ANO1: variants seen among roughly 807,000 people sequenced by gnomAD.
ANO1 encodes anoctamin-1.
In ANO1, 59 loss-of-function variants were observed where a neutral mutation model predicts 124.0. That is an observed-to-expected ratio of 0.48 (90% CI 0.39 to 0.59). The LOEUF is 0.59. Among genes scored for constraint, ANO1 ranks in the 20% least tolerant of loss-of-function variants. ANO1 has a pLI of 0.00. For missense variants in ANO1, 1,059 were observed against 1,328.0 expected (o/e 0.80, Z 3.15); for synonymous variants, 529 against 532.0 (o/e 0.99, Z 0.08).
chr11:70,162,592 C>T (rs1174381948), intron 18 of ANO1, among the ~76,000 whole-genome samples: 8 of 151,904 alleles, frequency 5.3e-5, no homozygotes, highest in African/African-American at 1.9e-4. Flanking sequence ...GGCCCACCCA[C>T]AATGATGCCC....
chr11:70,009,559 G>A (rs1281614236), intron 1 of ANO1, among the ~76,000 whole-genome samples: 2 of 152,160 alleles, frequency 1.3e-5, no homozygotes, highest in Non-Finnish European at 2.9e-5. Context: ...GGCCTGTCTT[G>A]GTGCATTTTG....
chr11:70,111,360 G>A (rs1367678723), intron 6 of ANO1, among the ~76,000 whole-genome samples: 2 of 152,182 alleles, frequency 1.3e-5, no homozygotes, highest in African/African-American at 4.8e-5. Flanking sequence ...CCTCGGACAG[G>A]TGGGGGGAGC....
At chr11:69,993,891 G>A (rs1856205282) in intron 1 of ANO1, among the ~76,000 whole-genome samples, 1 of 152,042 alleles carries the variant, frequency 6.6e-6, no homozygotes, top group South Asian at 2.1e-4. Flanking sequence ...CTGCTCCTGG[G>A]GCCTGGGCAC....
At position 70,165,571 on chromosome 11, in the gene ANO1, G is replaced by GT; in HGVS notation, c.2051+2dup. On this transcript the variant is annotated splice_donor_variant, in intron 20 of 25. Transcript: ENST00000355303. LOFTEE classifies it high-confidence loss of function. ...ACAACCTGTTCGAGATCGGCATCCC[G>GT]TGAGTGTGCTGCAGCGGGTTAGAGC... The GT allele has an allele frequency of 6.2e-7, 1 of 1,609,318 alleles. No individual in the cohort carries two copies. The highest frequency in any genetic ancestry group is 2.2e-5 in the East Asian group (1 of 44,740).
At chr11:70,070,588 A>G (rs145619739) in intron 1 of ANO1, among the ~76,000 whole-genome samples, 43 of 152,316 alleles carry the variant, frequency 2.8e-4, no homozygotes, top group African/African-American at 1.0e-3. Flanking sequence ...AGACAGGAGA[A>G]TTTCTTGAAT....
In ANO1 at chr11:70,180,011, G is replaced by C. The variant is rs1235245392; in HGVS notation, c.2358G>C (p.Trp786Cys). 6.2e-7 allele frequency: 1 copy of C among 1,612,898 alleles called. No homozygotes were observed. The highest frequency in any genetic ancestry group is 2.2e-5 in the East Asian group (1 of 44,866). ...GACTTCTTCTTCCCCCAGGAATCTG[G>C]TACAATATCCTCAGAGGCATTGGGA... ...VAVRAKDIGI[W>C]YNILRGIGKL... The change falls in exon 23 of 26, where the codon TGG becomes TGC. Residue 786 changes from tryptophan to cysteine, a missense_variant. By Grantham distance (215) the Trp-to-Cys change is radical. Around this residue, in one of 2 missense-constraint regions of ANO1, gnomAD observed 809 missense variants for 1,094.9 expected, o/e 0.74. Coordinates refer to ENST00000355303, the MANE Select transcript of ANO1 (RefSeq NM_018043.7).
At chr11:70,118,433 C>T (rs1298251542) in intron 8 of ANO1, among the ~76,000 whole-genome samples, 2 of 152,120 alleles carry the variant, frequency 1.3e-5, no homozygotes, top group Admixed American at 6.6e-5. Flanking sequence ...TTTTAGGTCC[C>T]AGCAGTGGAT....
chr11:70,095,730 T>C (rs2002315), intron 2 of ANO1, among the ~76,000 whole-genome samples: 65,477 of 152,108 alleles, frequency 0.43, 14,288 homozygotes, highest in Admixed American at 0.5. Context: ...AATCAGGGCT[T>C]CCCTCGCCCC....
intron 16 of ANO1, among the ~76,000 whole-genome samples, chr11:70,159,535 G>A (rs875106): frequency 0.48 from 73,603 of 152,098 alleles, 18,629 homozygotes; most frequent in East Asian, 0.72. Context: ...CTTCAACTTG[G>A]GAGTTTCATT....
At position 70,103,379 on chromosome 11, in the gene ANO1, T is replaced by TGATAAA. The variant is rs2045356178; in HGVS notation, c.540+218_540+219insAAAGAT. Among the ~76,000 whole-genome samples the TGATAAA allele has an allele frequency of 2.6e-5, 4 of 151,856 alleles. No individual in the cohort carries two copies. The South Asian group carries it at 8.3e-4, about 32-fold the overall frequency. ...GTGGTGAATATGACCCAACCCTGGG[T>TGATAAA]GATCTTTAGAGACCCCAGACCAAAC... is the stretch of plus-strand genomic sequence containing the variant. On this transcript the variant is annotated intron_variant, in intron 3 of 25. Coordinates refer to ENST00000355303, the MANE Select transcript of ANO1 (RefSeq NM_018043.7).
At chr11:70,025,985 A>G (rs1265770330) in intron 1 of ANO1, among the ~76,000 whole-genome samples, 1,011 of 46,196 alleles carry the variant, frequency 0.022, no homozygotes, top group Middle Eastern at 0.058. Flanking sequence ...CGATGGTGGT[A>G]GTGGTGGTGA....
intron 25 of ANO1, among the ~76,000 whole-genome samples, chr11:70,186,358 GGAAGGA>G (rs2049123543): frequency 8.7e-6 from 1 of 114,410 alleles, no homozygotes; most frequent in Non-Finnish European, 2.1e-5. Context: ...GAGGGAGGAA[GGAAGGA>G]AGGAAGGAAG....
chr11:70,099,373 G>A (rs756317745), intron 2 of ANO1, among the ~76,000 whole-genome samples: 5 of 152,146 alleles, frequency 3.3e-5, no homozygotes, highest in Non-Finnish European at 5.9e-5. Flanking sequence ...TCATGTAAAC[G>A]GGGGTGCATG....
intron 1 of ANO1, among the ~76,000 whole-genome samples, chr11:70,031,403 T>C (rs1555003794): frequency 6.6e-6 from 1 of 152,270 alleles, no homozygotes; most frequent in African/African-American, 2.4e-5. Flanking sequence ...TACTATTGAC[T>C]GCAGTCCCTC....
At chr11:70,177,693 G>A (rs894149450) in intron 22 of ANO1, among the ~76,000 whole-genome samples, 1 of 136,744 alleles carries the variant, frequency 7.3e-6, no homozygotes, top group Admixed American at 8.2e-5. Flanking sequence ...TCCGCCCCCC[G>A]GGTTCAAGCG....
intron 1 of ANO1, among the ~76,000 whole-genome samples, chr11:70,070,358 A>G (rs1418752414): frequency 6.6e-6 from 1 of 152,198 alleles, no homozygotes; most frequent in African/African-American, 2.4e-5. Flanking sequence ...ATACAAAGTC[A>G]GGAAGGGATT....
chr11:70,180,981 A>G (rs1355489362), intron 23 of ANO1, among the ~76,000 whole-genome samples: 2 of 152,088 alleles, frequency 1.3e-5, no homozygotes, highest in East Asian at 3.9e-4. Flanking sequence ...GCAGGCTAGG[A>G]TGGCCCGGCC....
intron 1 of ANO1, among the ~76,000 whole-genome samples, chr11:70,005,523 C>T (rs1361687138): frequency 6.6e-6 from 1 of 152,200 alleles, no homozygotes; most frequent in Non-Finnish European, 1.5e-5. Flanking sequence ...GTGGAGTCAG[C>T]CAAACATGGC....
intron 11 of ANO1, among the ~76,000 whole-genome samples, chr11:70,133,369 C>T (rs1051668300): frequency 3.9e-5 from 6 of 152,180 alleles, no homozygotes; most frequent in Admixed American, 1.3e-4. Flanking sequence ...GAGAGCACCT[C>T]GAAGTATGGC....
Sources: gnomAD v4.1 joint callset for allele counts (sites outside exome capture counted in the v4.1 genomes callset) on GRCh38, gnomAD v4.1.1 for gene constraint, gnomAD v4.1.1 regional missense constraint, MANE v1.5 for transcripts, NCBI Gene and HGNC (gene_info 2026-07-23, HGNC 2026-07-21) for gene names.